Variants in KRTAP5-4 observed in about 807,000 individuals in gnomAD.
KRTAP5-4 encodes keratin associated protein 5-4.
In KRTAP5-4, 1 loss-of-function variant was observed where a neutral mutation model predicts 2.6. The observed-to-expected ratio is 0.39, with a 90% CI of 0.14 to 1.85. The LOEUF is 1.85. KRTAP5-4 is among the 40% of genes most tolerant of loss of function. KRTAP5-4 has a pLI of 0.32. For missense variants in KRTAP5-4, 195 were observed against 276.9 expected, an observed-to-expected ratio of 0.70 and a Z score of 2.10; for synonymous variants, 83 against 113.1, an observed-to-expected ratio of 0.73 and a Z score of 1.69.
Position 1,621,947 on chromosome 11 carries a change from G to T in KRTAP5-4, c.147C>A (p.Cys49Ter). 6.2e-7 allele frequency: 1 copy of T among 1,608,290 alleles called. No homozygotes were observed. Residue 49 changes from cysteine to a stop codon, truncating the protein, a stop_gained, in exon 1 of 1, where the codon TGC becomes TGA. Coordinates refer to ENST00000399682, the MANE Select transcript of KRTAP5-4 (RefSeq NM_001347674.1). LOFTEE classifies it low-confidence loss of function (END_TRUNC). ...GSGCGGCGSS[C>*]CVPICCCKPV... ...GTTTGCAGCAGCAGATGGGCACACAGCAGCTGGAGCCACAGCCCCCACAGC... is the reference window on the plus strand; with the variant it reads ...GTTTGCAGCAGCAGATGGGCACACATCAGCTGGAGCCACAGCCCCCACAGC...
rs1469884284 is a variant in KRTAP5-4 at position 1,622,072 on chromosome 11, C to A, written c.22G>T (p.Gly8Ter). 11 of 1,611,294 alleles carry A rather than the reference C, an allele frequency of 6.8e-6. No homozygotes were observed. Among genetic ancestry groups the A allele is most frequent in the Non-Finnish European group, 9.3e-6 (11 of 1,179,330 alleles). ...CCCCCACAGCCGGAGCCACAGCCTC[C>A]AGAGCAGCCACAGCAGCCCATGGTT... MGCCGCS[G>*]GCGSGCGGCG... The change falls in exon 1 of 1, where the codon GGA (glycine) becomes TGA (stop). Residue 8 changes from glycine (G) to a stop codon, truncating the protein, a stop_gained. Transcript: ENST00000399682. LOFTEE classifies it low-confidence loss of function (END_TRUNC).
In KRTAP5-4 at chr11:1,621,320, A is replaced by C; in HGVS notation, c.*87T>G. On this transcript the variant is annotated 3_prime_UTR_variant, in exon 1 of 1. Transcript: ENST00000399682. Reference sequence around the variant, plus strand: ...CTACAGCAGGGAATGGACCCTGAGCAATGATTTGGGGCTCAACAATGAAGG... The same window carrying C: ...CTACAGCAGGGAATGGACCCTGAGCCATGATTTGGGGCTCAACAATGAAGG... The C allele has an allele frequency of 6.3e-7, 1 of 1,584,652 alleles. No homozygotes were observed. The highest frequency in any genetic ancestry group is 8.6e-7 in the Non-Finnish European group (1 of 1,163,466).
Position 1,621,143 on chromosome 11 carries a change from C to T in KRTAP5-4, c.*264G>A, listed in dbSNP as rs1217633026. On this transcript the variant is annotated 3_prime_UTR_variant, in exon 1 of 1. Transcript: ENST00000399682. ...TGCAAGTGGGTTCAGGAGCTCAGGC[C>T]TCTGAAAAGATGAGCAAAGGCGAGG... is the stretch of plus-strand genomic sequence containing the variant. The T allele has an allele frequency of 3.2e-5, 21 of 649,514 alleles. No individual in the cohort carries two copies. Among genetic ancestry groups the T allele is most frequent in the Non-Finnish European group, 5.1e-5 (20 of 390,770 alleles). The allele number at this position is 649,514 out of a possible 1,614,324, so 40.2% of individuals were successfully genotyped here. A position where few individuals can be genotyped will look rare whatever the true frequency, so the allele number is the denominator to read the frequency against.
Position 1,621,794 on chromosome 11 carries a change from G to A in KRTAP5-4, c.300C>T (p.Gly100=). 6.4e-7 allele frequency: 1 copy of A among 1,556,138 alleles called. No homozygotes were observed. The highest frequency in any genetic ancestry group is 1.5e-5 in the African/African-American group (1 of 67,094). The part of the protein sequence containing the change: ...GCVSCGGSKG[G]CGSCGGSKGG... ...CCTTGGAGCCCCCACAGGAGCCACA[G>A]CCCCCCTTGGAACCCCCACAGGAGA... Residue 100 remains glycine (G), a synonymous_variant, in exon 1 of 1, where the codon GGC becomes GGT. Transcript: ENST00000399682.
At position 1,622,032 on chromosome 11, in the gene KRTAP5-4, CAG is replaced by C; in HGVS notation, c.60_61del (p.Cys21TrpfsTer122). On this transcript the variant is annotated frameshift_variant, in exon 1 of 1. Transcript: ENST00000399682. LOFTEE classifies it low-confidence loss of function (END_TRUNC). ...CCCACAGCCAGAGCCACAGCCCCCA[CAG>C]CCGGAGCCACAGCCCCCACAGCCGG... is the stretch of plus-strand genomic sequence containing the variant. 1 of 1,359,210 alleles carries C rather than the reference CAG, an allele frequency of 7.4e-7. No homozygotes were observed. The highest frequency in any genetic ancestry group is 1.6e-5 in the African/African-American group (1 of 63,854). The allele number at this position is 1,359,210 out of a possible 1,614,324, so 84.2% of individuals were successfully genotyped here.
Position 1,621,322 on chromosome 11 carries a change from T to G in KRTAP5-4, c.*85A>C. ...ACAGCAGGGAATGGACCCTGAGCAA[T>G]GATTTGGGGCTCAACAATGAAGGAC... On this transcript the variant is annotated 3_prime_UTR_variant, in exon 1 of 1. Coordinates refer to ENST00000399682, the MANE Select transcript of KRTAP5-4 (RefSeq NM_001347674.1). 1.9e-6 allele frequency: 3 copies of G among 1,585,356 alleles called. No homozygotes were observed. Among genetic ancestry groups the G allele is most frequent in the Non-Finnish European group, 2.6e-6 (3 of 1,163,762 alleles).
rs1205161602 is a variant in KRTAP5-4 at position 1,621,291 on chromosome 11, C to G, written c.*116G>C. 6.5e-7 allele frequency: 1 copy of G among 1,542,604 alleles called. No homozygotes were observed. The highest frequency in any genetic ancestry group is 1.4e-5 in the African/African-American group (1 of 73,040). On this transcript the variant is annotated 3_prime_UTR_variant, in exon 1 of 1. Coordinates refer to ENST00000399682, the MANE Select transcript of KRTAP5-4 (RefSeq NM_001347674.1). ...AGGAAAAGGCAGCCAGATATGGCATCGTTCTACAGCAGGGAATGGACCCTG... is the reference window on the plus strand; with the variant it reads ...AGGAAAAGGCAGCCAGATATGGCATGGTTCTACAGCAGGGAATGGACCCTG...
Position 1,621,305 on chromosome 11 carries a change from G to T in KRTAP5-4, c.*102C>A. 6.4e-7 allele frequency: 1 copy of T among 1,573,150 alleles called. No homozygotes were observed. The highest frequency in any genetic ancestry group is 1.2e-5 in the South Asian group (1 of 83,196). Reference sequence around the variant, plus strand: ...AGATATGGCATCGTTCTACAGCAGGGAATGGACCCTGAGCAATGATTTGGG... The same window carrying T: ...AGATATGGCATCGTTCTACAGCAGGTAATGGACCCTGAGCAATGATTTGGG... On this transcript the variant is annotated 3_prime_UTR_variant, in exon 1 of 1. Coordinates refer to ENST00000399682, the MANE Select transcript of KRTAP5-4 (RefSeq NM_001347674.1).
At position 1,621,319 on chromosome 11, in the gene KRTAP5-4, C is replaced by G. The variant is rs1006907532; in HGVS notation, c.*88G>C. 2 of 1,583,476 alleles carry G rather than the reference C, an allele frequency of 1.3e-6. No homozygotes were observed. The highest frequency in any genetic ancestry group is 1.7e-6 in the Non-Finnish European group (2 of 1,162,872). Reference sequence around the variant, plus strand: ...TCTACAGCAGGGAATGGACCCTGAGCAATGATTTGGGGCTCAACAATGAAG... The same window carrying G: ...TCTACAGCAGGGAATGGACCCTGAGGAATGATTTGGGGCTCAACAATGAAG... On this transcript the variant is annotated 3_prime_UTR_variant, in exon 1 of 1. Transcript: ENST00000399682.
chr11:1,621,795 C>T lies in KRTAP5-4; in HGVS notation c.299G>A (p.Gly100Asp), dbSNP rs1437353119. 1.4e-5 allele frequency: 21 copies of T among 1,509,582 alleles called. No individual in the cohort carries two copies. Among genetic ancestry groups the T allele is most frequent in the Admixed American group, 1.8e-5 (1 of 54,970 alleles). The allele number at this position is 1,509,582 out of a possible 1,614,324, so 93.5% of individuals were successfully genotyped here. ...GCVSCGGSKG[G>D]CGSCGGSKGG... Reference sequence around the variant, plus strand: ...CTTGGAGCCCCCACAGGAGCCACAGCCCCCCTTGGAACCCCCACAGGAGAC... The same window carrying T: ...CTTGGAGCCCCCACAGGAGCCACAGTCCCCCTTGGAACCCCCACAGGAGAC... Residue 100 changes from glycine to aspartate, a missense_variant, in exon 1 of 1, where the codon GGC (glycine) becomes GAC (aspartate). Gly to Asp is a moderately conservative substitution (Grantham distance 94). Transcript: ENST00000399682.
In KRTAP5-4 at chr11:1,621,661, A is replaced by G. The variant is rs1391139485; in HGVS notation, c.433T>C (p.Cys145Arg). ...GACCCACAGCCTGAAGAGAAGCAGCAGGGCTTACAGCAGCTGCACTGGGAG... is the reference window on the plus strand; with the variant it reads ...GACCCACAGCCTGAAGAGAAGCAGCGGGGCTTACAGCAGCTGCACTGGGAG... ...GCSQCSCCKP[C>R]CFSSGCGSSC... Residue 145 changes from cysteine to arginine, a missense_variant, in exon 1 of 1, where the codon TGC becomes CGC. Coordinates refer to ENST00000399682, the MANE Select transcript of KRTAP5-4 (RefSeq NM_001347674.1). The G allele has an allele frequency of 6.2e-7, 1 of 1,612,826 alleles. No homozygotes were observed. The highest frequency in any genetic ancestry group is 8.5e-7 in the Non-Finnish European group (1 of 1,179,120).
In KRTAP5-4 at chr11:1,621,163, G is replaced by A. The variant is rs1205560448; in HGVS notation, c.*244C>T. On this transcript the variant is annotated 3_prime_UTR_variant, in exon 1 of 1. Transcript: ENST00000399682. ...CAGGCCTCTGAAAAGATGAGCAAAG[G>A]CGAGGCTAGTGGGTGAGGGGTGATT... is the stretch of plus-strand genomic sequence containing the variant. 2 of 744,626 alleles carry A rather than the reference G, an allele frequency of 2.7e-6. No homozygotes were observed. Among genetic ancestry groups the A allele is most frequent in the African/African-American group, 3.6e-5 (2 of 56,162 alleles). 46.1% of individuals were successfully genotyped at this position (744,626 alleles called of 1,614,324 possible).
In KRTAP5-4 at chr11:1,621,298, C is replaced by T. The variant is rs1446311500; in HGVS notation, c.*109G>A. ...GGCAGCCAGATATGGCATCGTTCTA[C>T]AGCAGGGAATGGACCCTGAGCAATG... On this transcript the variant is annotated 3_prime_UTR_variant, in exon 1 of 1. Coordinates refer to ENST00000399682, the MANE Select transcript of KRTAP5-4 (RefSeq NM_001347674.1). The T allele has an allele frequency of 6.4e-7, 1 of 1,560,784 alleles. No individual in the cohort carries two copies. Among genetic ancestry groups the T allele is most frequent in the Non-Finnish European group, 8.7e-7 (1 of 1,150,686 alleles).
chr11:1,621,193 TG>T lies in KRTAP5-4; in HGVS notation c.*213del. The T allele has an allele frequency of 1.0e-6, 1 of 983,446 alleles. No individual in the cohort carries two copies. The highest frequency in any genetic ancestry group is 1.5e-6 in the Non-Finnish European group (1 of 677,776). The allele number at this position is 983,446 out of a possible 1,614,324, so 60.9% of individuals were successfully genotyped here. ...GCTAGTGGGTGAGGGGTGATTCAGC[TG>T]CAATTGCAGTTGACTTGGGGAGAGA... is the stretch of plus-strand genomic sequence containing the variant. On this transcript the variant is annotated 3_prime_UTR_variant, in exon 1 of 1. Transcript: ENST00000399682.
rs189404734 is a variant in KRTAP5-4, at chr11:1,621,142, C to A, written c.*265G>T. ...CTGCAAGTGGGTTCAGGAGCTCAGG[C>A]CTCTGAAAAGATGAGCAAAGGCGAG... On this transcript the variant is annotated 3_prime_UTR_variant, in exon 1 of 1. Transcript: ENST00000399682. 178 of 640,424 alleles carry A rather than the reference C, an allele frequency of 2.8e-4. No individual in the cohort carries two copies. In the African/African-American group the frequency reaches 3.0e-3, roughly 11 times the overall value. The allele number at this position is 640,424 out of a possible 1,614,324, so 39.7% of individuals were successfully genotyped here.
rs1849593964 is a variant in KRTAP5-4, at chr11:1,621,307, A to G, written c.*100T>C. ...ATATGGCATCGTTCTACAGCAGGGAATGGACCCTGAGCAATGATTTGGGGC... is the reference window on the plus strand; with the variant it reads ...ATATGGCATCGTTCTACAGCAGGGAGTGGACCCTGAGCAATGATTTGGGGC... On this transcript the variant is annotated 3_prime_UTR_variant, in exon 1 of 1. Coordinates refer to ENST00000399682, the MANE Select transcript of KRTAP5-4 (RefSeq NM_001347674.1). 2.5e-6 allele frequency: 4 copies of G among 1,573,548 alleles called. No individual in the cohort carries two copies. The highest frequency in any genetic ancestry group is 1.7e-4 in the Middle Eastern group (1 of 5,740).
rs778180326 is a variant in KRTAP5-4, at chr11:1,621,439, A to G, written c.655T>C (p.Cys219Arg). 2 of 1,614,082 alleles carry G rather than the reference A, an allele frequency of 1.2e-6. No homozygotes were observed. The highest frequency in any genetic ancestry group is 1.7e-6 in the Non-Finnish European group (2 of 1,180,032). The change falls in exon 1 of 1, where the codon TGT becomes CGT. Residue 219 changes from cysteine to arginine, a missense_variant. Physicochemically the swap from Cys to Arg is radical, Grantham distance 180 (BLOSUM62 -3). Coordinates refer to ENST00000399682, the MANE Select transcript of KRTAP5-4 (RefSeq NM_001347674.1). The stretch of plus-strand genomic sequence containing the variant: ...TTACACTGGCAGCACACAGGGACAC[A>G]GCAACTAGACTGGGAGCAGCAGGGA... ...CNPCCSQSSC[C>R]VPVCCQCKI
Position 1,621,747 on chromosome 11 carries a change from C to T in KRTAP5-4, c.347G>A (p.Gly116Asp), listed in dbSNP as rs1432770616. Residue 116 changes from glycine (G) to aspartate (D), a missense_variant, in exon 1 of 1, where the codon GGT becomes GAT. Transcript: ENST00000399682. ...GSKGGCGSCGGSKGGCGSCGG... is the reference protein window; with the variant it reads ...GSKGGCGSCGDSKGGCGSCGG... ...ACAGGAGCCACAGCCCCCCTTGGAACCCCCACAGGAGCCACAGCCCCCCTT... is the reference window on the plus strand; with the variant it reads ...ACAGGAGCCACAGCCCCCCTTGGAATCCCCACAGGAGCCACAGCCCCCCTT... The T allele has an allele frequency of 1.4e-5, 21 of 1,548,072 alleles. No homozygotes were observed. Among genetic ancestry groups the T allele is most frequent in the Non-Finnish European group, 1.6e-5 (18 of 1,144,642 alleles).
chr11:1,621,274 G>T lies in KRTAP5-4; in HGVS notation c.*133C>A. 6.6e-7 allele frequency: 1 copy of T among 1,509,414 alleles called. No individual in the cohort carries two copies. The highest frequency in any genetic ancestry group is 8.9e-7 in the Non-Finnish European group (1 of 1,123,532). The allele number at this position is 1,509,414 out of a possible 1,614,324, so 93.5% of individuals were successfully genotyped here. A position where few individuals can be genotyped will look rare whatever the true frequency, so the allele number is the denominator to read the frequency against. ...TAGGGTGGACTCTTCTTAGGAAAAG[G>T]CAGCCAGATATGGCATCGTTCTACA... On this transcript the variant is annotated 3_prime_UTR_variant, in exon 1 of 1. Transcript: ENST00000399682.
Sources: gnomAD v4.1 joint callset for allele counts on GRCh38, gnomAD v4.1.1 for gene constraint, MANE v1.5 for transcripts, NCBI Gene and HGNC (gene_info 2026-07-23, HGNC 2026-07-21) for gene names.